PDP2: variants seen among roughly 807,000 people sequenced by gnomAD.
PDP2 encodes pyruvate dehydrogenase phosphatase catalytic subunit 2, also known as [Pyruvate dehydrogenase [acetyl-transferring]]-phosphatase 2, mitochondrial.
A neutral mutation model predicts 34.2 loss-of-function variants in PDP2; 23 were observed. That is an observed-to-expected ratio of 0.67 (90% CI 0.48 to 0.95). The LOEUF (loss-of-function observed/expected upper bound fraction) is 0.95. Ranked by LOEUF, PDP2 falls within the 40% of genes least tolerant of loss-of-function variation. The pLI is 0.00. For synonymous variants in PDP2, 275 were observed against 269.2 expected (o/e 1.02, Z -0.21); for missense variants, 571 against 659.6 (o/e 0.87, Z 1.47).
At chr16:66,883,855 G>A (rs1961615199) in intron 1 of PDP2, among the ~76,000 whole-genome samples, 1 of 151,990 alleles carries the variant, frequency 6.6e-6, no homozygotes, top group Non-Finnish European at 1.5e-5. Context: ...ATTAGCAAAT[G>A]TTTTCAGAAG....
chr16:66,882,779 G>GT (rs1567515096), intron 1 of PDP2, among the ~76,000 whole-genome samples: 1 of 152,198 alleles, frequency 6.6e-6, no homozygotes, highest in Non-Finnish European at 1.5e-5. Context: ...GGCAGCCATA[G>GT]TTGCTTGAGT....
At position 66,890,793 on chromosome 16, in the gene PDP2, G is replaced by T. The variant is rs149326594; in HGVS notation, c.*4919G>T. On this transcript the variant is annotated 3_prime_UTR_variant, in exon 2 of 2. Coordinates refer to ENST00000311765, the MANE Select transcript of PDP2 (RefSeq NM_020786.4). ...AAGCCCTGGTGTTTCCTTGGAGCTG[G>T]GGATAAAGGCCAGTGAGCCAGCCTG... 55 of 152,264 alleles carry T rather than the reference G, an allele frequency of 3.6e-4. No individual in the cohort carries two copies. Among genetic ancestry groups the T allele is most frequent in the Non-Finnish European group, 6.6e-4 (45 of 68,030 alleles). The allele number at this position is 152,264 out of a possible 1,614,324, so 9.4% of individuals were successfully genotyped here. A position where few individuals can be genotyped will look rare whatever the true frequency, so the allele number is the denominator to read the frequency against.
intron 1 of PDP2, chr16:66,883,096 G>C (rs2145411563): frequency 6.6e-6 from 1 of 152,042 alleles, no homozygotes; most frequent in East Asian, 1.9e-4. Context: ...CTTTGGAGTG[G>C]TTACAGGTAT....
rs8046372 is a variant in PDP2, at chr16:66,888,224, G to C, written c.*2350G>C. ...CTGGGACTATGCACCACCATGCCTGGCTAATTTTTTTAATTTTTTGTAGAG... is the reference window on the plus strand; with the variant it reads ...CTGGGACTATGCACCACCATGCCTGCCTAATTTTTTTAATTTTTTGTAGAG... On this transcript the variant is annotated 3_prime_UTR_variant, in exon 2 of 2. Transcript: ENST00000311765. 0.18 allele frequency: 27,006 copies of C among 151,526 alleles called. 4,631 individuals are homozygous for C. The highest frequency in any genetic ancestry group is 0.45 in the African/African-American group (18,611 of 41,188). 9.4% of individuals were successfully genotyped at this position (151,526 alleles called of 1,614,324 possible).
chr16:66,884,117 T>G (rs182685426), intron 1 of PDP2, 114 bp from the exon 2 acceptor site: 46 of 514,224 alleles, frequency 8.9e-5, no homozygotes, highest in Non-Finnish European at 1.4e-4. Flanking sequence ...GAGCTTGCAG[T>G]GAGCAGAGAT....
chr16:66,884,891 T>C lies in PDP2; in HGVS notation c.607T>C (p.Ser203Pro). ...PGDSIYKDVT[S>P]VHLDHLRVYW... ...GGACAGTATCTACAAGGATGTCACA[T>C]CTGTGCATCTTGACCACCTCCGTGT... The change falls in exon 2 of 2, where the codon TCT becomes CCT. Residue 203 changes from serine to proline, a missense_variant. By Grantham distance (74) the Ser-to-Pro change is moderately conservative. Around this residue, in one of 2 missense-constraint regions of PDP2, gnomAD observed 290 missense variants for 283.8 expected, o/e 1.02. Coordinates refer to ENST00000311765, the MANE Select transcript of PDP2 (RefSeq NM_020786.4). 2 of 1,614,154 alleles carry C rather than the reference T, an allele frequency of 1.2e-6. No individual in the cohort carries two copies. Among genetic ancestry groups the C allele is most frequent in the Non-Finnish European group, 8.5e-7 (1 of 1,180,022 alleles).
At chr16:66,882,233 G>T (rs780962523) in intron 1 of PDP2, among the ~76,000 whole-genome samples, 1 of 152,152 alleles carries the variant, frequency 6.6e-6, no homozygotes, top group African/African-American at 2.4e-5. Context: ...GCGGAAGATC[G>T]CTTGAGCCTA....
intron 1 of PDP2, 33 bp from the exon 2 acceptor site, chr16:66,884,195 AAAT>A: frequency 1.7e-6 from 2 of 1,150,626 alleles, no homozygotes; most frequent in Non-Finnish European, 2.4e-6. Flanking sequence ...AAAAAAAAAG[AAAT>A]TAAATTTGAA....
chr16:66,884,415 G>C lies in PDP2; in HGVS notation c.131G>C (p.Arg44Pro). 6.2e-7 allele frequency: 1 copy of C among 1,613,990 alleles called. No individual in the cohort carries two copies. The highest frequency in any genetic ancestry group is 2.2e-5 in the East Asian group (1 of 44,868). The change falls in exon 2 of 2, where the codon CGG becomes CCG. Residue 44 changes from arginine (R) to proline (P), a missense_variant. Physicochemically the swap from Arg to Pro is moderately radical, Grantham distance 103. Coordinates refer to ENST00000311765, the MANE Select transcript of PDP2 (RefSeq NM_020786.4). Reference protein sequence around the residue: ...RNKLKWRLFSRVPPTLNSSPC... With the variant: ...RNKLKWRLFSPVPPTLNSSPC... ...AAATTAAAATGGAGGCTCTTTTCCC[G>C]GGTGCCACCCACCCTAAACAGTTCC... is the stretch of plus-strand genomic sequence containing the variant.
At chr16:66,883,587 C>T in intron 1 of PDP2, among the ~76,000 whole-genome samples, 1 of 152,042 alleles carries the variant, frequency 6.6e-6, no homozygotes, top group Non-Finnish European at 1.5e-5. Context: ...TATAGATACA[C>T]ACCACCATGC....
Position 66,887,442 on chromosome 16 carries a change from C to G in PDP2, c.*1568C>G, listed in dbSNP as rs1961809079. ...TGTTGATCCCTTTTCTCATCTTACC[C>G]CTTTATGCCACCTACTGAAAAGAAA... On this transcript the variant is annotated 3_prime_UTR_variant, in exon 2 of 2. Transcript: ENST00000311765. 6.0e-6 allele frequency: 1 copy of G among 167,024 alleles called. No homozygotes were observed. The highest frequency in any genetic ancestry group is 6.5e-5 in the Admixed American group (1 of 15,276). The allele number at this position is 167,024 out of a possible 1,614,324, so 10.3% of individuals were successfully genotyped here.
rs149573589 is a variant in PDP2 at position 66,884,790 on chromosome 16, C to T, written c.506C>T (p.Thr169Ile). 450 of 1,614,128 alleles carry T rather than the reference C, an allele frequency of 2.8e-4. No homozygotes were observed. Among genetic ancestry groups the T allele is most frequent in the Non-Finnish European group, 3.6e-4 (425 of 1,180,054 alleles). ...YVAVSLMSHQ[T>I]LEHMEGAMES... ...GCAGTGTCCCTGATGTCCCACCAGA[C>T]CCTGGAGCACATGGAGGGAGCTATG... is the stretch of plus-strand genomic sequence containing the variant. The change falls in exon 2 of 2, where the codon ACC becomes ATC. Residue 169 changes from threonine to isoleucine, a missense_variant. Thr to Ile is a moderately conservative substitution (Grantham distance 89). Around this residue, in one of 2 missense-constraint regions of PDP2, gnomAD observed 290 missense variants for 283.8 expected, o/e 1.02. Coordinates refer to ENST00000311765, the MANE Select transcript of PDP2 (RefSeq NM_020786.4).
intron 1 of PDP2, among the ~76,000 whole-genome samples, chr16:66,881,428 T>TTTTTAATTTAA (rs772487238): frequency 0.01 from 1,234 of 119,144 alleles, 15 homozygotes; most frequent in African/African-American, 0.047. Flanking sequence ...GTTTTTTTTT[T>TTTTTAATTTAA]TTTAATTTAA....
intron 1 of PDP2, among the ~76,000 whole-genome samples, chr16:66,881,428 T>TTTTTTAATTTAA (rs772487238): frequency 3.4e-5 from 4 of 119,176 alleles, no homozygotes; most frequent in African/African-American, 1.6e-4. Flanking sequence ...GTTTTTTTTT[T>TTTTTTAATTTAA]TTTAATTTAA....
At chr16:66,881,862 T>C (rs2145409171) in intron 1 of PDP2, among the ~76,000 whole-genome samples, 1 of 152,214 alleles carries the variant, frequency 6.6e-6, no homozygotes, top group Admixed American at 6.5e-5. Flanking sequence ...AAAATTTTTG[T>C]AGAGATGGGG....
chr16:66,884,848 T>C lies in PDP2; in HGVS notation c.564T>C (p.His188=). ...ESMKPLLPIL[H]WLKHPGDSIY... is the part of the protein sequence containing the mutation. ...TGAAACCCTTGCTGCCCATCCTGCA[T>C]TGGCTCAAGCACCCAGGGGACAGTA... Residue 188 remains histidine, a synonymous_variant, in exon 2 of 2, where the codon CAT becomes CAC. Transcript: ENST00000311765. The C allele has an allele frequency of 1.2e-6, 2 of 1,614,050 alleles. No homozygotes were observed. Among genetic ancestry groups the C allele is most frequent in the Non-Finnish European group, 8.5e-7 (1 of 1,179,970 alleles).
intron 1 of PDP2, among the ~76,000 whole-genome samples, chr16:66,884,029 C>T (rs1033337624): frequency 4.0e-5 from 6 of 151,898 alleles, no homozygotes; most frequent in Admixed American, 6.6e-5. Flanking sequence ...AAAAAATTGG[C>T]CAGGTGTGGT....
In PDP2 at chr16:66,887,424, C is replaced by T. The variant is rs948977104; in HGVS notation, c.*1550C>T. 1.2e-5 allele frequency: 2 copies of T among 167,012 alleles called. No homozygotes were observed. Among genetic ancestry groups the T allele is most frequent in the African/African-American group, 4.8e-5 (2 of 41,442 alleles). 10.3% of individuals were successfully genotyped at this position (167,012 alleles called of 1,614,324 possible). A position where few individuals can be genotyped will look rare whatever the true frequency, so the allele number is the denominator to read the frequency against. On this transcript the variant is annotated 3_prime_UTR_variant, in exon 2 of 2. Coordinates refer to ENST00000311765, the MANE Select transcript of PDP2 (RefSeq NM_020786.4). ...ATTAAGTTGAACTACATTTGTTGAT[C>T]CCTTTTCTCATCTTACCCCTTTATG...
At chr16:66,881,192 T>C (rs1229004627) in intron 1 of PDP2, among the ~76,000 whole-genome samples, 1 of 152,170 alleles carries the variant, frequency 6.6e-6, no homozygotes, top group Admixed American at 6.5e-5. Context: ...TGTATCACCC[T>C]GCACCGCTGC....
Sources: gnomAD v4.1 joint callset for allele counts (sites outside exome capture counted in the v4.1 genomes callset) on GRCh38, gnomAD v4.1.1 for gene constraint, gnomAD v4.1.1 regional missense constraint, MANE v1.5 for transcripts, NCBI Gene and HGNC (gene_info 2026-07-23, HGNC 2026-07-21) for gene names.